TMEM131: variants seen among roughly 807,000 people sequenced by gnomAD.
The protein encoded by TMEM131 is 2610524E03Rik.
A neutral mutation model predicts 211.6 loss-of-function variants in TMEM131; 66 were observed. The observed-to-expected ratio is 0.31, with a 90% CI of 0.26 to 0.38. The LOEUF (loss-of-function observed/expected upper bound fraction) is 0.38, where lower values mean the gene tolerates loss of function less well. TMEM131 is among the 10% of genes least tolerant of loss of function. TMEM131 has a pLI of 1.00. For synonymous variants in TMEM131, 844 were observed against 841.3 expected, an observed-to-expected ratio of 1.00 and a Z score of -0.06; for missense variants, 2,036 against 2,299.3, an observed-to-expected ratio of 0.89 and a Z score of 2.34.
intron 4 of TMEM131, among the ~76,000 whole-genome samples, chr2:97,862,463 A>C (rs1674108876): frequency 6.6e-6 from 1 of 152,134 alleles, no homozygotes; most frequent in South Asian, 2.1e-4. Context: ...TGTTTTGAGG[A>C]AATTCAAAGA....
At chr2:97,787,662 T>C (rs1680315459) in intron 31 of TMEM131, among the ~76,000 whole-genome samples, 1 of 152,214 alleles carries the variant, frequency 6.6e-6, no homozygotes, top group South Asian at 2.1e-4. Context: ...AATATGACTA[T>C]ATATTTTTGG....
At chr2:97,800,801 T>C (rs920775742) in intron 25 of TMEM131, among the ~76,000 whole-genome samples, 2 of 151,738 alleles carry the variant, frequency 1.3e-5, no homozygotes, top group African/African-American at 2.4e-5. Context: ...AAGGAAGTTC[T>C]GGTTACTGAG....
In TMEM131 at chr2:97,995,900, GGTCA is replaced by G; in HGVS notation, c.-242_-239del. ...AAGCAGTCGGAGCGGAGAGGCCGCG[GGTCA>G]GGCGCGGCGGGCGGCCATACTGGAA... On this transcript the variant is annotated 5_prime_UTR_variant, in exon 1 of 41. The change abolishes the stop of an existing upstream ORF in the 5' untranslated region. Transcript: ENST00000186436. 1 of 222,514 alleles carries G rather than the reference GGTCA, an allele frequency of 4.5e-6. No individual in the cohort carries two copies. Among genetic ancestry groups the G allele is most frequent in the Non-Finnish European group, 8.6e-6 (1 of 115,954 alleles). The allele number at this position is 222,514 out of a possible 1,614,324, so 13.8% of individuals were successfully genotyped here.
At chr2:97,893,224 C>T (rs541892785) in intron 3 of TMEM131, among the ~76,000 whole-genome samples, 9 of 152,292 alleles carry the variant, frequency 5.9e-5, no homozygotes, top group Admixed American at 2.0e-4. Flanking sequence ...CATGAACTCA[C>T]CCTTTTTAAT....
chr2:97,815,532 G>C (rs1462524023), intron 12 of TMEM131, among the ~76,000 whole-genome samples: 1 of 152,174 alleles, frequency 6.6e-6, no homozygotes, highest in Admixed American at 6.5e-5. Context: ...GGAATTAGCT[G>C]GTGAGCATGG....
chr2:97,947,192 T>G (rs1678083882), intron 1 of TMEM131, among the ~76,000 whole-genome samples: 1 of 151,606 alleles, frequency 6.6e-6, no homozygotes, highest in Non-Finnish European at 1.5e-5. Flanking sequence ...TTTAACATCA[T>G]AGTGAAAGAA....
intron 3 of TMEM131, among the ~76,000 whole-genome samples, chr2:97,899,072 G>A (rs62156482): frequency 0.072 from 10,892 of 151,518 alleles, 461 homozygotes; most frequent in Middle Eastern, 0.11. Context: ...TTTCCTTCAC[G>A]TACTTTAAAG....
intron 31 of TMEM131, among the ~76,000 whole-genome samples, chr2:97,776,400 A>G (rs1679732642): frequency 6.6e-6 from 1 of 152,220 alleles, no homozygotes; most frequent in Non-Finnish European, 1.5e-5. Context: ...CAAAGCAATT[A>G]CAACTTTTGT....
At chr2:97,982,170 C>G (rs1679826656) in intron 1 of TMEM131, among the ~76,000 whole-genome samples, 1 of 152,196 alleles carries the variant, frequency 6.6e-6, no homozygotes, top group Non-Finnish European at 1.5e-5. Context: ...TCCAATGTCT[C>G]CGCACCCTTG....
intron 4 of TMEM131, among the ~76,000 whole-genome samples, chr2:97,887,574 C>G (rs1675213576): frequency 6.6e-6 from 1 of 152,062 alleles, no homozygotes; most frequent in African/African-American, 2.4e-5. Flanking sequence ...TTGCTTAGCT[C>G]ATCAAGGCAG....
At chr2:97,943,526 TA>T (rs769066733) in intron 1 of TMEM131, among the ~76,000 whole-genome samples, 10 of 152,278 alleles carry the variant, frequency 6.6e-5, no homozygotes, top group Non-Finnish European at 1.5e-4. Context: ...TTAAAAGACC[TA>T]AATAGAAAGA....
chr2:97,895,176 T>C (rs1000532400), intron 3 of TMEM131, among the ~76,000 whole-genome samples: 1 of 152,226 alleles, frequency 6.6e-6, no homozygotes, highest in Non-Finnish European at 1.5e-5. Context: ...ATTACGTTTA[T>C]TGATTTGCAT....
chr2:97,969,194 G>A (rs1217782582), intron 1 of TMEM131, among the ~76,000 whole-genome samples: 1 of 152,110 alleles, frequency 6.6e-6, no homozygotes, highest in Non-Finnish European at 1.5e-5. Context: ...CACTAGACAT[G>A]TATAAATTAA....
rs558511151 is a variant in TMEM131 at position 97,824,970 on chromosome 2, C to G, written c.1075-6249G>C. ...TATCCAGTTGTACCCAACCCCTATACCCTGCTCTCTCAAATACCAGAGAAA... is the reference window on the plus strand; with the variant it reads ...TATCCAGTTGTACCCAACCCCTATAGCCTGCTCTCTCAAATACCAGAGAAA... On this transcript the variant is annotated intron_variant, in intron 11 of 40. Coordinates refer to ENST00000186436, the MANE Select transcript of TMEM131 (RefSeq NM_015348.2). 6.6e-5 allele frequency among the ~76,000 whole-genome samples: 10 copies of G among 152,316 alleles called. No individual in the cohort carries two copies. In the South Asian group the frequency reaches 2.1e-3, roughly 32 times the overall value.
At chr2:97,776,447 C>A (rs971355632) in intron 31 of TMEM131, among the ~76,000 whole-genome samples, 1 of 152,124 alleles carries the variant, frequency 6.6e-6, no homozygotes, top group East Asian at 1.9e-4. Flanking sequence ...AAAAAGGTTT[C>A]TTTTTTTCTT....
intron 31 of TMEM131, among the ~76,000 whole-genome samples, chr2:97,779,159 A>G (rs1679872776): frequency 6.6e-6 from 1 of 152,188 alleles, no homozygotes; most frequent in South Asian, 2.1e-4. Flanking sequence ...CCAGGCTGAG[A>G]GCCACTGGTC....
At chr2:97,966,020 C>G (rs1321242125) in intron 1 of TMEM131, among the ~76,000 whole-genome samples, 1 of 151,274 alleles carries the variant, frequency 6.6e-6, no homozygotes, top group Non-Finnish European at 1.5e-5. Context: ...AAAAATTGAA[C>G]AAAAGCAATT....
At chr2:97,880,364 A>G (rs1205969741) in intron 4 of TMEM131, among the ~76,000 whole-genome samples, 1 of 152,208 alleles carries the variant, frequency 6.6e-6, no homozygotes, top group East Asian at 1.9e-4. Flanking sequence ...ACATGATCAG[A>G]TTTTGATGTG....
chr2:97,980,841 A>G (rs567756135), intron 1 of TMEM131, among the ~76,000 whole-genome samples: 13 of 152,204 alleles, frequency 8.5e-5, no homozygotes, highest in African/African-American at 3.1e-4. Context: ...CACTAATTTC[A>G]TTTATATGAC....
Sources: allele counts gnomAD v4.1 joint callset (sites outside exome capture counted in the v4.1 genomes callset), GRCh38; gene constraint gnomAD v4.1.1; transcripts MANE v1.5; gene names NCBI Gene and HGNC (gene_info 2026-07-23, HGNC 2026-07-21).